The following PDS5B variants were observed in gnomAD, a reference collection of about 807,000 sequenced individuals.
The protein encoded by PDS5B is sister chromatid cohesion protein PDS5 homolog B.
A neutral mutation model predicts 184.1 loss-of-function variants in PDS5B; 51 were observed. The ratio of observed to expected loss-of-function variants is 0.28; its 90% CI spans 0.22 to 0.35. The LOEUF is 0.35. Among genes scored for constraint, PDS5B ranks in the 10% least tolerant of loss-of-function variants. The pLI is 1.00. For missense variants in PDS5B, 1,180 were observed against 1,723.3 expected (o/e 0.68, Z 5.58); for synonymous variants, 566 against 569.2 (o/e 0.99, Z 0.08).
At chr13:32,759,552 T>C in intron 28 of PDS5B, 76 bp from the exon 29 acceptor site, 1 of 627,766 alleles carries the variant, frequency 1.6e-6, no homozygotes, top group African/African-American at 1.9e-5. Context: ...AACTGCTGTT[T>C]GCTTTGTTGG....
At chr13:32,699,397 A>G (rs1484430898) in intron 15 of PDS5B, among the ~76,000 whole-genome samples, 1 of 152,190 alleles carries the variant, frequency 6.6e-6, no homozygotes, top group East Asian at 1.9e-4. Context: ...AGAGCAATGT[A>G]TGCAACAAGC....
At chr13:32,604,253 A>G (rs1488878482) in intron 1 of PDS5B, among the ~76,000 whole-genome samples, 1 of 152,196 alleles carries the variant, frequency 6.6e-6, no homozygotes, top group Non-Finnish European at 1.5e-5. Flanking sequence ...ACGTCCCATC[A>G]ATACCTAGTT....
At chr13:32,674,950 A>AT (rs777498856) in intron 8 of PDS5B, among the ~76,000 whole-genome samples, 211 of 144,770 alleles carry the variant, frequency 1.5e-3, no homozygotes, top group African/African-American at 3.8e-3. Flanking sequence ...TCTTATTTTA[A>AT]TTTTTTTTTT....
At chr13:32,734,015 A>ACACACACACACACACAAAC (rs1555312887) in intron 20 of PDS5B, among the ~76,000 whole-genome samples, 2 of 58,158 alleles carry the variant, frequency 3.4e-5, no homozygotes, top group African/African-American at 2.5e-4. Context: ...CACACACACA[A>ACACACACACACACACAAAC]ACATATATTT....
intron 1 of PDS5B, among the ~76,000 whole-genome samples, chr13:32,629,424 A>G (rs1175071463): frequency 6.6e-6 from 1 of 152,134 alleles, no homozygotes; most frequent in African/African-American, 2.4e-5. Flanking sequence ...AATGTTTTCT[A>G]CTGAATCATA....
At chr13:32,691,129 T>G (rs1172469318) in intron 13 of PDS5B, 1 of 152,030 alleles carries the variant, frequency 6.6e-6, no homozygotes, top group Non-Finnish European at 1.5e-5. Context: ...CTCCCAGAGG[T>G]AACCTCTACC....
intron 24 of PDS5B, among the ~76,000 whole-genome samples, chr13:32,752,139 C>A (rs1057129086): frequency 4.6e-5 from 7 of 152,074 alleles, no homozygotes; most frequent in Admixed American, 4.6e-4. Context: ...GTAGTCTCCC[C>A]TATCTTTGGT....
chr13:32,744,037 C>G (rs1953659805), intron 23 of PDS5B, among the ~76,000 whole-genome samples: 10 of 151,970 alleles, frequency 6.6e-5, no homozygotes, highest in Admixed American at 6.6e-4. Flanking sequence ...TATAAACTTT[C>G]ATCAGAGAGG....
intron 24 of PDS5B, among the ~76,000 whole-genome samples, chr13:32,747,200 T>A (rs1372921715): frequency 1.3e-5 from 2 of 152,192 alleles, no homozygotes; most frequent in African/African-American, 4.8e-5. Context: ...ACTTTCACAT[T>A]AGTAAATAAA....
At chr13:32,744,562 G>T (rs1953678882) in intron 23 of PDS5B, among the ~76,000 whole-genome samples, 1 of 152,120 alleles carries the variant, frequency 6.6e-6, no homozygotes. Flanking sequence ...AACAAAAAAA[G>T]TTTACGAGGT....
At chr13:32,671,974 C>G (rs1019847580) in intron 7 of PDS5B, among the ~76,000 whole-genome samples, 1 of 152,152 alleles carries the variant, frequency 6.6e-6, no homozygotes, top group East Asian at 1.9e-4. Flanking sequence ...TTATGCCATG[C>G]ATCTTTGCCA....
intron 19 of PDS5B, among the ~76,000 whole-genome samples, chr13:32,715,927 C>G (rs1330707571): frequency 5.3e-5 from 8 of 152,266 alleles, no homozygotes; most frequent in South Asian, 4.1e-4. Context: ...TCCCGAGGTG[C>G]CGGGATTGCA....
chr13:32,684,467 A>G (rs1172660974), intron 11 of PDS5B, among the ~76,000 whole-genome samples: 1 of 152,226 alleles, frequency 6.6e-6, no homozygotes, highest in Non-Finnish European at 1.5e-5. Context: ...CAACTTAGCA[A>G]AGCTAAACCC....
intron 19 of PDS5B, among the ~76,000 whole-genome samples, chr13:32,729,582 A>G (rs1469005416): frequency 2.6e-5 from 4 of 152,096 alleles, no homozygotes; most frequent in East Asian, 3.9e-4. Flanking sequence ...AAACGTTCCT[A>G]TTTCTCCACA....
intron 1 of PDS5B, among the ~76,000 whole-genome samples, chr13:32,632,939 T>C (rs1477126530): frequency 6.6e-6 from 1 of 151,716 alleles, no homozygotes; most frequent in Non-Finnish European, 1.5e-5. Context: ...CCGTCTCTAC[T>C]AAAATACAAA....
intron 1 of PDS5B, among the ~76,000 whole-genome samples, chr13:32,647,181 C>A (rs1179114673): frequency 6.6e-6 from 1 of 152,184 alleles, no homozygotes; most frequent in African/African-American, 2.4e-5. Flanking sequence ...TCTTCTCTCT[C>A]TATAACTTCC....
chr13:32,653,733 C>A (rs1030184302), intron 3 of PDS5B, among the ~76,000 whole-genome samples: 72 of 152,242 alleles, frequency 4.7e-4, no homozygotes, highest in Non-Finnish European at 9.7e-4. Context: ...CAGGTACTAG[C>A]TTGATTTCTA....
chr13:32,675,606 TA>T (rs1271432812), intron 8 of PDS5B, among the ~76,000 whole-genome samples: 1 of 152,212 alleles, frequency 6.6e-6, no homozygotes, highest in Non-Finnish European at 1.5e-5. Flanking sequence ...GAACAAACTT[TA>T]AAGATGTATT....
At chr13:32,763,779 T>C (rs1318101597) in intron 30 of PDS5B, among the ~76,000 whole-genome samples, 1 of 152,174 alleles carries the variant, frequency 6.6e-6, no homozygotes, top group Admixed American at 6.5e-5. Flanking sequence ...CAAATAACTG[T>C]TTTGGCTACA....
Sources: allele counts gnomAD v4.1 joint callset (sites outside exome capture counted in the v4.1 genomes callset), GRCh38; gene constraint gnomAD v4.1.1; transcripts MANE v1.5; gene names NCBI Gene and HGNC (gene_info 2026-07-23, HGNC 2026-07-21).